TASP1: variants seen among roughly 807,000 people sequenced by gnomAD.
The protein encoded by TASP1 is threonine aspartase 1.
TASP1 carries 16 observed loss-of-function variants against 56.6 expected under a neutral mutation model. That is an observed-to-expected ratio of 0.28 (90% CI 0.19 to 0.43). TASP1 has a LOEUF of 0.43. Among genes scored for constraint, TASP1 ranks in the 20% least tolerant of loss-of-function variants. TASP1 has a pLI of 1.00. For missense variants in TASP1, 393 were observed against 511.6 expected, an observed-to-expected ratio of 0.77 and a Z score of 2.24; for synonymous variants, 179 against 184.2, an observed-to-expected ratio of 0.97 and a Z score of 0.23.
intron 4 of TASP1, 101 bp from the exon 5 acceptor site, chr20:13,587,471 CT>C: frequency 1.1e-6 from 1 of 948,332 alleles, no homozygotes; most frequent in Admixed American, 2.9e-5. Flanking sequence ...TGAGAGAATA[CT>C]TTCCAACACA....
intron 1 of TASP1, among the ~76,000 whole-genome samples, chr20:13,635,325 A>G (rs995378080): frequency 1.3e-5 from 2 of 151,384 alleles, no homozygotes; most frequent in Admixed American, 1.3e-4. Flanking sequence ...ACACAAATCT[A>G]CTACCCTAGT....
At chr20:13,298,764 G>A in the TASP1 span, among the ~76,000 whole-genome samples, 3 of 151,934 alleles carry the variant, frequency 2.0e-5, no homozygotes, top group Non-Finnish European at 4.4e-5. Context: ...TTCTGATGGT[G>A]CCAGGGGGCT....
chr20:13,260,909 A>T, the TASP1 span, among the ~76,000 whole-genome samples: 1 of 152,160 alleles, frequency 6.6e-6, no homozygotes. Context: ...ATGGTCTAGG[A>T]CAGTCTCCAT....
the TASP1 span, among the ~76,000 whole-genome samples, chr20:13,309,709 A>T: frequency 6.6e-6 from 1 of 152,314 alleles, no homozygotes; most frequent in African/African-American, 2.4e-5. Context: ...TAAAGGCTCC[A>T]CCAAAAAGCT....
intron 10 of TASP1, among the ~76,000 whole-genome samples, chr20:13,514,118 T>C (rs1472764372): frequency 2.6e-5 from 4 of 152,166 alleles, no homozygotes; most frequent in Non-Finnish European, 5.9e-5. Flanking sequence ...TGAATTTTAC[T>C]AGCTATCTTA....
At chr20:13,184,252 T>C in the TASP1 span, among the ~76,000 whole-genome samples, 6 of 151,976 alleles carry the variant, frequency 3.9e-5, no homozygotes, top group African/African-American at 1.4e-4. Flanking sequence ...AAGAGAAGAA[T>C]ACAAATAAGC....
chr20:13,279,680 A>T, the TASP1 span: 1 of 1,613,994 alleles, frequency 6.2e-7, no homozygotes, highest in East Asian at 2.2e-5. Flanking sequence ...GCAGATAAAG[A>T]TCAGCATCCG....
At chr20:13,392,721 G>T in intron 13 of TASP1, 1 of 570,560 alleles carries the variant, frequency 1.8e-6, no homozygotes, top group Admixed American at 1.9e-5. Flanking sequence ...AGTATCGGGC[G>T]CTGGTCACCA....
At chr20:13,362,808 AATATATATATAT>A in the TASP1 span, among the ~76,000 whole-genome samples, 126 of 114,824 alleles carry the variant, frequency 1.1e-3, 4 homozygotes, top group Middle Eastern at 0.014. Context: ...AATAGCAAGA[AATATATATATAT>A]ATATATATAT....
At chr20:13,541,711 G>A (rs1040353658) in intron 8 of TASP1, among the ~76,000 whole-genome samples, 4 of 151,862 alleles carry the variant, frequency 2.6e-5, no homozygotes, top group African/African-American at 9.7e-5. Context: ...CACCTCTTAG[G>A]CACTCAGTAA....
chr20:13,556,172 C>T (rs948126150), intron 8 of TASP1, among the ~76,000 whole-genome samples: 1 of 152,162 alleles, frequency 6.6e-6, no homozygotes, highest in Non-Finnish European at 1.5e-5. Context: ...CAGCTAAAAC[C>T]CTTAAATCCT....
the TASP1 span, chr20:13,154,144 T>G: frequency 6.2e-7 from 1 of 1,613,918 alleles, no homozygotes; most frequent in Non-Finnish European, 8.5e-7. Flanking sequence ...GTAGCGTAAG[T>G]ATCCAAGGCA....
chr20:13,320,881 G>A, the TASP1 span, among the ~76,000 whole-genome samples: 1 of 152,144 alleles, frequency 6.6e-6, no homozygotes, highest in Non-Finnish European at 1.5e-5. Context: ...TGGCCACAGT[G>A]AGTTGCATGA....
At chr20:13,400,222 C>T (rs1377317278) in intron 13 of TASP1, among the ~76,000 whole-genome samples, 1 of 152,098 alleles carries the variant, frequency 6.6e-6, no homozygotes, top group Non-Finnish European at 1.5e-5. Context: ...AGAAGGCACT[C>T]AATGGTATTT....
chr20:13,520,049 G>T (rs2044682468), intron 10 of TASP1, among the ~76,000 whole-genome samples: 1 of 152,108 alleles, frequency 6.6e-6, no homozygotes, highest in South Asian at 2.1e-4. Context: ...AAAATAGCTA[G>T]GAATCCAACT....
chr20:13,638,371 C>T (rs2049388525), intron 1 of TASP1, among the ~76,000 whole-genome samples: 1 of 152,134 alleles, frequency 6.6e-6, no homozygotes, highest in South Asian at 2.1e-4. Context: ...TTCCCCCCCT[C>T]CTCTCCAGCT....
chr20:13,110,084 C>T, the TASP1 span: 7 of 1,542,088 alleles, frequency 4.5e-6, no homozygotes, highest in Non-Finnish European at 6.2e-6. Flanking sequence ...TTTCATGACT[C>T]AATTTTTTTT....
chr20:13,419,816 T>C (rs537589554), intron 12 of TASP1, among the ~76,000 whole-genome samples: 1 of 152,330 alleles, frequency 6.6e-6, no homozygotes, highest in East Asian at 1.9e-4. Flanking sequence ...TTATCAAACC[T>C]GCCAACCTGC....
chr20:13,391,343 T>C (rs1045045323), intron 13 of TASP1, among the ~76,000 whole-genome samples: 4 of 152,178 alleles, frequency 2.6e-5, no homozygotes, highest in African/African-American at 7.2e-5. Context: ...CTCTGTTTCA[T>C]GAGGGGTCAG....
Sources: allele counts gnomAD v4.1 joint callset (sites outside exome capture counted in the v4.1 genomes callset), GRCh38; gene constraint gnomAD v4.1.1; transcripts MANE v1.5; gene names NCBI Gene and HGNC (gene_info 2026-07-23, HGNC 2026-07-21).